Variants in WDFY3 observed in about 807,000 individuals in gnomAD.
The protein encoded by WDFY3 is WD repeat and FYVE domain-containing protein 3.
WDFY3 carries 66 observed loss-of-function variants against 409.6 expected under a neutral mutation model. That is an observed-to-expected ratio of 0.16 (90% CI 0.13 to 0.20). WDFY3 has a LOEUF of 0.20. WDFY3 is among the 10% of genes least tolerant of loss of function. The pLI is 1.00. For synonymous variants in WDFY3, 1,521 were observed against 1,537.1 expected (o/e 0.99, Z 0.25); for missense variants, 3,031 against 4,298.1 (o/e 0.71, Z 8.24).
At chr4:84,723,377 C>G (rs1343084205) in intron 46 of WDFY3, among the ~76,000 whole-genome samples, 1 of 152,206 alleles carries the variant, frequency 6.6e-6, no homozygotes, top group Non-Finnish European at 1.5e-5. Context: ...TTAAAACAAT[C>G]TGAAACTCAT....
At chr4:84,791,187 T>C (rs752987081) in intron 21 of WDFY3, among the ~76,000 whole-genome samples, 9 of 152,076 alleles carry the variant, frequency 5.9e-5, no homozygotes, top group Non-Finnish European at 1.2e-4. Flanking sequence ...ATAAAGAAAA[T>C]GTGGTACATA....
At chr4:84,712,513 T>C (rs971690406) in intron 51 of WDFY3, among the ~76,000 whole-genome samples, 4 of 151,246 alleles carry the variant, frequency 2.6e-5, no homozygotes, top group Admixed American at 2.0e-4. Flanking sequence ...CTGAGATCAG[T>C]AGTTTGAGAC....
intron 1 of WDFY3, among the ~76,000 whole-genome samples, chr4:84,948,758 C>G (rs933360587): frequency 8.5e-5 from 13 of 152,140 alleles, no homozygotes; most frequent in African/African-American, 2.2e-4. Flanking sequence ...TTGGAGGTCC[C>G]TAGTCTGATC....
Position 84,842,414 on chromosome 4 carries a change from T to C in WDFY3, c.305-1151A>G, listed in dbSNP as rs1245794442. Among the ~76,000 whole-genome samples the C allele has an allele frequency of 3.3e-5, 5 of 150,778 alleles. No homozygotes were observed. In the South Asian group the frequency reaches 8.5e-4, roughly 26 times the overall value. Reference sequence around the variant, plus strand: ...ATCACTTGTACCCAGGAGGTGGAGGTTGCTGTGAGCCAAGATCACGCCACT... The same window carrying C: ...ATCACTTGTACCCAGGAGGTGGAGGCTGCTGTGAGCCAAGATCACGCCACT... On this transcript the variant is annotated intron_variant, in intron 5 of 67. Coordinates refer to ENST00000295888, the MANE Select transcript of WDFY3 (RefSeq NM_014991.6).
In WDFY3 at chr4:84,671,333, G is replaced by A. The variant is rs1248096475; in HGVS notation, c.*1535C>T. On this transcript the variant is annotated 3_prime_UTR_variant, in exon 68 of 68. Coordinates refer to ENST00000295888, the MANE Select transcript of WDFY3 (RefSeq NM_014991.6). ...ATGATGCCTCTGTGAGGGTGTGAAG[G>A]CCTTTCCTTTCGCACCTGTGAAGGT... The A allele has an allele frequency of 6.6e-6, 1 of 152,490 alleles. No individual in the cohort carries two copies. Among genetic ancestry groups the A allele is most frequent in the Non-Finnish European group, 1.5e-5 (1 of 68,000 alleles). The allele number at this position is 152,490 out of a possible 1,614,324, so 9.4% of individuals were successfully genotyped here. A position where few individuals can be genotyped will look rare whatever the true frequency, so the allele number is the denominator to read the frequency against.
intron 2 of WDFY3, among the ~76,000 whole-genome samples, chr4:84,905,829 A>G (rs991093488): frequency 1.3e-5 from 2 of 152,014 alleles, no homozygotes; most frequent in Admixed American, 6.6e-5. Context: ...TCATACACCA[A>G]CTGTTCACAC....
chr4:84,948,023 C>A (rs1213929837), intron 1 of WDFY3, among the ~76,000 whole-genome samples: 2 of 152,152 alleles, frequency 1.3e-5, no homozygotes, highest in African/African-American at 4.8e-5. Flanking sequence ...TCCTTTTCCC[C>A]TCCTCAAGCT....
chr4:84,851,185 T>C lies in WDFY3; in HGVS notation c.181-1160A>G, dbSNP rs541471723. Among the ~76,000 whole-genome samples the C allele has an allele frequency of 3.9e-5, 6 of 151,916 alleles. No homozygotes were observed. The South Asian group carries it at 1.2e-3, about 32-fold the overall frequency. ...GACCATCATAAGAAAAGAAATGGTA[T>C]TTTAATGGGTATATAACTAGATATA... On this transcript the variant is annotated intron_variant, in intron 4 of 67. Coordinates refer to ENST00000295888, the MANE Select transcript of WDFY3 (RefSeq NM_014991.6).
intron 2 of WDFY3, among the ~76,000 whole-genome samples, chr4:84,921,868 G>A (rs1340812132): frequency 6.6e-6 from 1 of 151,522 alleles, no homozygotes; most frequent in Non-Finnish European, 1.5e-5. Context: ...TCTTAGCCAG[G>A]TTGGTCTTCA....
At chr4:84,705,879 CT>C (rs1235586440) in intron 53 of WDFY3, among the ~76,000 whole-genome samples, 1 of 152,162 alleles carries the variant, frequency 6.6e-6, no homozygotes, top group Admixed American at 6.6e-5. Flanking sequence ...TCATCGTTAA[CT>C]TCATCACTCA....
In WDFY3 at chr4:84,810,351, G is replaced by T; in HGVS notation, c.1888-7C>A. Reference sequence around the variant, plus strand: ...GAAGGACCGACAGGAGGGCCTACAGGAGACAAAAGAAAAAACAAATGAAAA... The same window carrying T: ...GAAGGACCGACAGGAGGGCCTACAGTAGACAAAAGAAAAAACAAATGAAAA... On this transcript the variant is annotated splice_polypyrimidine_tract_variant and splice_region_variant and intron_variant, in intron 13 of 67. Transcript: ENST00000295888. 1 of 1,454,410 alleles carries T rather than the reference G, an allele frequency of 6.9e-7. No individual in the cohort carries two copies. Among genetic ancestry groups the T allele is most frequent in the South Asian group, 1.4e-5 (1 of 69,670 alleles). 90.1% of individuals were successfully genotyped at this position (1,454,410 alleles called of 1,614,324 possible). A position where few individuals can be genotyped will look rare whatever the true frequency, so the allele number is the denominator to read the frequency against.
chr4:84,751,423 C>T, intron 36 of WDFY3, 60 bp downstream of exon 36: 1 of 1,527,358 alleles, frequency 6.5e-7, no homozygotes, highest in East Asian at 2.3e-5. Context: ...TGTTTGGTTA[C>T]TAATGTTCTA....
Position 84,787,662 on chromosome 4 carries a change from C to T in WDFY3, c.3721G>A (p.Val1241Met). The change falls in exon 23 of 68, where the codon GTG (valine) becomes ATG (methionine). Residue 1241 changes from valine (V) to methionine (M), a missense_variant. Val to Met is a conservative substitution (Grantham distance 21). This residue lies in a region of WDFY3 where 1,322 missense variants were observed against 1,697.9 expected (regional missense o/e 0.78). Coordinates refer to ENST00000295888, the MANE Select transcript of WDFY3 (RefSeq NM_014991.6). ...ATGTAGGCATAGACCGTGCTCACCA[C>T]TGGTGGATTTGCCGAACCTGAACCC... ...PGGSGSANPP[V>M]VSTVYAYIGT... is the part of the protein sequence containing the mutation. The T allele has an allele frequency of 6.2e-7, 1 of 1,614,146 alleles. No individual in the cohort carries two copies. The highest frequency in any genetic ancestry group is 8.5e-7 in the Non-Finnish European group (1 of 1,179,992).
intron 3 of WDFY3, among the ~76,000 whole-genome samples, chr4:84,879,751 C>G (rs569614820): frequency 3.3e-5 from 5 of 151,990 alleles, no homozygotes; most frequent in Admixed American, 2.0e-4. Context: ...GCATTACATT[C>G]AAAATATGCG....
At position 84,757,161 on chromosome 4, in the gene WDFY3, C is replaced by A; in HGVS notation, c.5189G>T (p.Gly1730Val). 1 of 1,612,410 alleles carries A rather than the reference C, an allele frequency of 6.2e-7. No individual in the cohort carries two copies. The highest frequency in any genetic ancestry group is 8.5e-7 in the Non-Finnish European group (1 of 1,178,576). ...VLTNKIGTVL[G>V]FNVGRSAGGR... ...ACCAGCACTTCTGCCCACGTTGAAT[C>A]CTAAGAGAAGAGGAATATAACAGTA... Residue 1730 changes from glycine to valine, a missense_variant and splice_region_variant, in exon 33 of 68, where the codon GGA becomes GTA. Gly to Val is a moderately radical substitution (Grantham distance 109). Transcript: ENST00000295888.
At chr4:84,707,777 A>G (rs570205964) in intron 53 of WDFY3, among the ~76,000 whole-genome samples, 1 of 152,206 alleles carries the variant, frequency 6.6e-6, no homozygotes, top group African/African-American at 2.4e-5. Flanking sequence ...TTTTCCTTTT[A>G]TTATTTATTT....
At chr4:84,925,950 ATT>A (rs1054328645) in intron 2 of WDFY3, among the ~76,000 whole-genome samples, 2 of 151,680 alleles carry the variant, frequency 1.3e-5, no homozygotes, top group African/African-American at 4.8e-5. Context: ...GCATGTTTAA[ATT>A]TTTCAAAATA....
Position 84,774,887 on chromosome 4 carries a change from T to C in WDFY3, c.4687A>G (p.Ile1563Val). 2 of 1,613,960 alleles carry C rather than the reference T, an allele frequency of 1.2e-6. No individual in the cohort carries two copies. The highest frequency in any genetic ancestry group is 1.1e-5 in the South Asian group (1 of 91,074). The change falls in exon 29 of 68, where the codon ATT becomes GTT. Residue 1563 changes from isoleucine to valine, a missense_variant. Coordinates refer to ENST00000295888, the MANE Select transcript of WDFY3 (RefSeq NM_014991.6). ...LRDMSLSQPTIAAISNVLSFL... is the reference protein window; with the variant it reads ...LRDMSLSQPTVAAISNVLSFL... ...CTCAGGACATTACTAATAGCAGCAA[T>C]AGTAGGCTGGGATAAAGACATATCT...
intron 36 of WDFY3, among the ~76,000 whole-genome samples, chr4:84,750,454 C>T (rs1740320857): frequency 6.6e-6 from 1 of 151,954 alleles, no homozygotes; most frequent in Non-Finnish European, 1.5e-5. Flanking sequence ...ACTGTACTAG[C>T]CACTAGAGGG....
Sources: allele counts gnomAD v4.1 joint callset (sites outside exome capture counted in the v4.1 genomes callset), GRCh38; gene constraint gnomAD v4.1.1; regional missense constraint gnomAD v4.1.1; transcripts MANE v1.5; gene names NCBI Gene and HGNC (gene_info 2026-07-23, HGNC 2026-07-21).